Variants in MXRA8 observed in about 807,000 individuals in gnomAD.
The protein encoded by MXRA8 is matrix remodeling-associated protein 8.
In MXRA8, 44 loss-of-function variants were observed where a neutral mutation model predicts 51.4. That is an observed-to-expected ratio of 0.86 (90% confidence interval 0.67 to 1.10). The LOEUF (loss-of-function observed/expected upper bound fraction) is 1.10. Among genes scored for constraint, MXRA8 ranks in the 50% least tolerant of loss-of-function variants. The pLI is 0.00. For missense variants in MXRA8, 765 were observed against 638.9 expected, an observed-to-expected ratio of 1.20 and a Z score of -2.13; for synonymous variants, 369 against 293.5, an observed-to-expected ratio of 1.26 and a Z score of -2.63.
chr1:1,358,077 G>GC, intron 1 of MXRA8, among the ~76,000 whole-genome samples: 1 of 152,180 alleles, frequency 6.6e-6, no homozygotes, highest in East Asian at 1.9e-4. Flanking sequence ...TCAGCAGCCA[G>GC]CCCAGGCCTG....
rs747369875 is a variant in MXRA8, at chr1:1,354,049, C to T, written c.1203G>A (p.Arg401=). The T allele has an allele frequency of 6.6e-5, 107 of 1,612,968 alleles. No homozygotes were observed. Among genetic ancestry groups the T allele is most frequent in the Admixed American group, 8.3e-5 (5 of 60,026 alleles). Residue 401 remains arginine, a synonymous_variant, in exon 8 of 10, where the codon AGG becomes AGA. Transcript: ENST00000309212. Reference sequence around the variant, plus strand: ...CCTCACCTAGCTGGATGTCCTCACTCCTGTAAAGCATCTGGTCCCCTGCAG... The same window carrying T: ...CCTCACCTAGCTGGATGTCCTCACTTCTGTAAAGCATCTGGTCCCCTGCAG... The part of the protein sequence containing the change: ...AVAAGDQMLY[R]SEDIQLDYKN...
Position 1,353,079 on chromosome 1 carries a change from TG to T in MXRA8, c.*524del. 1 of 630,096 alleles carries T rather than the reference TG, an allele frequency of 1.6e-6. No individual in the cohort carries two copies. The allele number at this position is 630,096 out of a possible 1,614,324, so 39.0% of individuals were successfully genotyped here. ...CTGGAGTCCCACATGGTGGTACAGG[TG>T]GGGGAGCTCTCGGTGGCAGGCAGCA... On this transcript the variant is annotated 3_prime_UTR_variant, in exon 10 of 10. Transcript: ENST00000309212.
chr1:1,362,025 G>A (rs372317681), upstream of MXRA8, among the ~76,000 whole-genome samples: 117 of 152,350 alleles, frequency 7.7e-4, no homozygotes, highest in African/African-American at 2.5e-3. Context: ...GTGTTAATCC[G>A]TTATAGCCGC....
chr1:1,362,257 C>G (rs1258893711), upstream of MXRA8, among the ~76,000 whole-genome samples: 1 of 152,218 alleles, frequency 6.6e-6, no homozygotes, highest in Admixed American at 6.5e-5. Context: ...AGAGTCAGGA[C>G]ACTGCTGAGA....
At chr1:1,359,204 G>C (rs1644189523), upstream of MXRA8, 1 of 985,390 alleles carries the variant, frequency 1.0e-6, no homozygotes. Context: ...GGGGGTGCTG[G>C]GGTGAGCAGA....
upstream of MXRA8, among the ~76,000 whole-genome samples, chr1:1,360,499 C>CGGGCGGGG (rs532782567): frequency 1.8e-3 from 7 of 3,912 alleles, no homozygotes; most frequent in South Asian, 7.9e-3. Context: ...CCTCTGCTCG[C>CGGGCGGGG]TGGGGGGTGG....
chr1:1,352,803 C>G lies in MXRA8; in HGVS notation c.*801G>C, dbSNP rs556604406. The G allele has an allele frequency of 4.7e-5, 9 of 190,786 alleles. No individual in the cohort carries two copies. The Admixed American group carries it at 5.7e-4, about 12-fold the overall frequency. 11.8% of individuals were successfully genotyped at this position (190,786 alleles called of 1,614,324 possible). A position where few individuals can be genotyped will look rare whatever the true frequency, so the allele number is the denominator to read the frequency against. The stretch of plus-strand genomic sequence containing the variant: ...CCCCAAACCAACTTCACTCCCTCCC[C>G]TGTCCTCAGCCAGTACAGAAGCCAA... On this transcript the variant is annotated 3_prime_UTR_variant, in exon 10 of 10. Transcript: ENST00000309212.
chr1:1,355,676 C>G lies in MXRA8; in HGVS notation c.150G>C (p.Ala50=). 1 of 1,358,238 alleles carries G rather than the reference C, an allele frequency of 7.4e-7. No individual in the cohort carries two copies. The highest frequency in any genetic ancestry group is 9.4e-7 in the Non-Finnish European group (1 of 1,061,640). The allele number at this position is 1,358,238 out of a possible 1,614,324, so 84.1% of individuals were successfully genotyped here. The part of the protein sequence containing the change: ...SAVSWEAGAR[A]VLRCQSPRMV... Reference sequence around the variant, plus strand: ...TGCGCGGGCTCTGGCAGCGCAGCACCGCCCGGGCGCCCGCCTCCCAGCTCA... The same window carrying G: ...TGCGCGGGCTCTGGCAGCGCAGCACGGCCCGGGCGCCCGCCTCCCAGCTCA... The change falls in exon 3 of 10, where the codon GCG becomes GCC. Residue 50 remains alanine, a synonymous_variant. Coordinates refer to ENST00000309212, the MANE Select transcript of MXRA8 (RefSeq NM_032348.4).
At chr1:1,358,883 T>C, upstream of MXRA8, 1 of 1,019,868 alleles carries the variant, frequency 9.8e-7, no homozygotes, top group South Asian at 4.4e-5. Context: ...GAGTGGCCCC[T>C]CCGCCCCACC....
intron 1 of MXRA8, among the ~76,000 whole-genome samples, chr1:1,357,215 C>T (rs1374576975): frequency 6.6e-6 from 1 of 152,228 alleles, no homozygotes. Context: ...GCCCCACAGG[C>T]CCGCGTTGCT....
At chr1:1,357,765 A>G (rs1644160994) in intron 1 of MXRA8, among the ~76,000 whole-genome samples, 1 of 152,184 alleles carries the variant, frequency 6.6e-6, no homozygotes, top group African/African-American at 2.4e-5. Context: ...AGCCGAGATC[A>G]CGCCACTGCA....
rs370282514 is a variant in MXRA8, at chr1:1,358,424, C to T, written c.49+32G>A. On this transcript the variant is annotated intron_variant, in intron 1 of 9. Coordinates refer to ENST00000309212, the MANE Select transcript of MXRA8 (RefSeq NM_032348.4). ...GGACTCGCACAGCCCCACGTGCCAC[C>T]CCCCACCCGCCTCCCAGGGCCCCAC... The T allele has an allele frequency of 1.6e-4, 262 of 1,589,862 alleles. 1 individual carries two copies. Among genetic ancestry groups the T allele is most frequent in the Non-Finnish European group, 2.1e-4 (244 of 1,167,942 alleles).
At position 1,354,950 on chromosome 1, in the gene MXRA8, C is replaced by A. The variant is rs997665650; in HGVS notation, c.681G>T (p.Ala227=). The A allele has an allele frequency of 5.6e-6, 9 of 1,600,508 alleles. No homozygotes were observed. Among genetic ancestry groups the A allele is most frequent in the Admixed American group, 1.7e-5 (1 of 58,334 alleles). The change falls in exon 5 of 10, where the codon GCG becomes GCT. Residue 227 remains alanine, a synonymous_variant. Transcript: ENST00000309212. Reference sequence around the variant, plus strand: ...GCCCGTAGGCGCGGCGCTCGCCCGACGCGTAGAGGTCCAGCAGGCGGTCCG... The same window carrying A: ...GCCCGTAGGCGCGGCGCTCGCCCGAAGCGTAGAGGTCCAGCAGGCGGTCCG... ...DRADRLLDLY[A]SGERRAYGPL...
At chr1:1,359,255 T>C, upstream of MXRA8, 1 of 985,328 alleles carries the variant, frequency 1.0e-6, no homozygotes, top group Non-Finnish European at 1.2e-6. Flanking sequence ...TGCCCGCCTT[T>C]AGGGTGCAGC....
rs769804902 is a variant in MXRA8, at chr1:1,354,372, C to T, written c.1087G>A (p.Ala363Thr). 5 of 1,611,386 alleles carry T rather than the reference C, an allele frequency of 3.1e-6. No homozygotes were observed. The highest frequency in any genetic ancestry group is 4.2e-6 in the Non-Finnish European group (5 of 1,179,504). The change falls in exon 6 of 10, where the codon GCC becomes ACC. Residue 363 changes from alanine (A) to threonine (T), a missense_variant. By Grantham distance (58) the Ala-to-Thr change is moderately conservative. Coordinates refer to ENST00000309212, the MANE Select transcript of MXRA8 (RefSeq NM_032348.4). ...GCCTCACCTCCGCGGCGCCTGCGGG[C>T]GGCCAGGAGGACAGTGACCAGTAGC... The part of the protein sequence containing the change: ...ILLLVTVLLA[A>T]RRRRGGYEYS...
rs972621483 is a variant in MXRA8 at position 1,353,259 on chromosome 1, G to A, written c.*345C>T. 22 of 1,518,602 alleles carry A rather than the reference G, an allele frequency of 1.4e-5. No homozygotes were observed. In the African/African-American group the frequency reaches 2.8e-4, roughly 19 times the overall value. 94.1% of individuals were successfully genotyped at this position (1,518,602 alleles called of 1,614,324 possible). A position where few individuals can be genotyped will look rare whatever the true frequency, so the allele number is the denominator to read the frequency against. ...CTGCCCTGAGGCTGACCCCAGTTTT[G>A]GGGCTGCCAGGTTCTGATGGGAGTG... On this transcript the variant is annotated 3_prime_UTR_variant, in exon 10 of 10. Transcript: ENST00000309212.
chr1:1,360,081 G>A (rs999756737), upstream of MXRA8, among the ~76,000 whole-genome samples: 7 of 152,352 alleles, frequency 4.6e-5, no homozygotes, highest in East Asian at 3.9e-4. Flanking sequence ...GTTGGCCCTC[G>A]GGTCTGGGAG....
intron 1 of MXRA8, among the ~76,000 whole-genome samples, chr1:1,357,102 A>C (rs947889413): frequency 5.3e-5 from 8 of 152,140 alleles, no homozygotes; most frequent in Non-Finnish European, 5.9e-5. Context: ...GGACCCTCAG[A>C]CGCTGGGGAC....
intron 2 of MXRA8, among the ~76,000 whole-genome samples, chr1:1,356,467 G>A (rs1644134987): frequency 1.3e-5 from 2 of 149,588 alleles, no homozygotes; most frequent in Non-Finnish European, 3.0e-5. Context: ...GGAGTCTGTG[G>A]GGGAGGGCCA....
Sources: allele counts gnomAD v4.1 joint callset (sites outside exome capture counted in the v4.1 genomes callset), GRCh38; gene constraint gnomAD v4.1.1; transcripts MANE v1.5; gene names NCBI Gene and HGNC (gene_info 2026-07-23, HGNC 2026-07-21).